Variants in PTGER3 observed in about 807,000 individuals in gnomAD.
The protein encoded by PTGER3 is prostaglandin E receptor 3, also known as prostaglandin E2 receptor EP3 subtype.
In PTGER3, 22 loss-of-function variants were observed where a neutral mutation model predicts 34.7. The ratio of observed to expected loss-of-function variants is 0.63; its 90% CI spans 0.45 to 0.91. The LOEUF (loss-of-function observed/expected upper bound fraction) is 0.91. Among genes scored for constraint, PTGER3 ranks in the 40% least tolerant of loss-of-function variants. The pLI is 0.00. For synonymous variants in PTGER3, 241 were observed against 230.1 expected, an observed-to-expected ratio of 1.05 and a Z score of -0.43; for missense variants, 468 against 519.4, an observed-to-expected ratio of 0.90 and a Z score of 0.96.
At chr1:70,926,915 C>T (rs1203004095) in intron 4 of PTGER3, among the ~76,000 whole-genome samples, 1 of 151,974 alleles carries the variant, frequency 6.6e-6, no homozygotes, top group Non-Finnish European at 1.5e-5. Context: ...TGTCAAAGGC[C>T]TTTTCTGCAT....
chr1:71,014,680 G>A (rs1657737545), intron 1 of PTGER3, among the ~76,000 whole-genome samples: 1 of 152,172 alleles, frequency 6.6e-6, no homozygotes, highest in Non-Finnish European at 1.5e-5. Flanking sequence ...CAGTCTACAA[G>A]CCAGGAAAAG....
chr1:71,016,628 C>T lies in PTGER3; in HGVS notation c.898-4144G>A, dbSNP rs140057935. Among the ~76,000 whole-genome samples the T allele has an allele frequency of 7.0e-4, 107 of 152,046 alleles. 2 individuals are homozygous for T. Among genetic ancestry groups the T allele is most frequent in the African/African-American group, 2.6e-3 (107 of 41,478 alleles). ...GACCAGCCTGGGCAACATGGTGAAA[C>T]CCTGTCTCTATTAAAAACACAAAAA... is the stretch of plus-strand genomic sequence containing the variant. On this transcript the variant is annotated intron_variant, in intron 1 of 3. Transcript: ENST00000306666.
chr1:70,945,101 G>A lies in PTGER3; in HGVS notation c.*23+8662C>T, dbSNP rs192271554. Among the ~76,000 whole-genome samples, 736 of 152,228 alleles carry A rather than the reference G, an allele frequency of 4.8e-3. 5 individuals carry two copies. Among genetic ancestry groups the A allele is most frequent in the Admixed American group, 8.3e-3 (126 of 15,252 alleles). On this transcript the variant is annotated intron_variant, in intron 4 of 4. Transcript: ENST00000370931. ...GGCTGAGGAACTATTCGAACCCACA[G>A]GGGCTTGATTGACTTCAAAATCTTT...
chr1:70,959,602 C>T (rs1239581969), intron 2 of PTGER3, among the ~76,000 whole-genome samples: 1 of 152,124 alleles, frequency 6.6e-6, no homozygotes, highest in Non-Finnish European at 1.5e-5. Flanking sequence ...CTCGAATGAT[C>T]CGTCTGCCAC....
intron 2 of PTGER3, among the ~76,000 whole-genome samples, chr1:70,979,840 A>G (rs1654085881): frequency 6.6e-6 from 1 of 152,176 alleles, no homozygotes; most frequent in Admixed American, 6.6e-5. Flanking sequence ...TAAAGAGATT[A>G]TACAGTTACT....
rs1386365915 is a variant in PTGER3 at position 70,973,130 on chromosome 1, GT to G, written c.1169+1166del. Among the ~76,000 whole-genome samples the G allele has an allele frequency of 3.4e-3, 512 of 150,028 alleles. 3 individuals carry two copies. The highest frequency in any genetic ancestry group is 0.012 in the African/African-American group (474 of 39,994). ...CAGTACCCAGTGTGCACGTGTGTGT[GT>G]GTGTGTGTGTGTGTGTGTGTGTGTT... On this transcript the variant is annotated intron_variant, in intron 3 of 3. Coordinates refer to ENST00000306666, the MANE Select transcript of PTGER3 (RefSeq NM_198719.2).
chr1:70,972,307 G>GC (rs1204138442), intron 3 of PTGER3, among the ~76,000 whole-genome samples: 1 of 152,142 alleles, frequency 6.6e-6, no homozygotes, highest in African/African-American at 2.4e-5. Flanking sequence ...TGTTGACAGA[G>GC]CGAGACTCCA....
At chr1:70,997,908 A>G (rs1236967055) in intron 2 of PTGER3, among the ~76,000 whole-genome samples, 10 of 152,252 alleles carry the variant, frequency 6.6e-5, no homozygotes, top group Admixed American at 5.9e-4. Flanking sequence ...AGATATTTGT[A>G]TTCCATCCAT....
intron 4 of PTGER3, among the ~76,000 whole-genome samples, chr1:70,934,859 G>A (rs1202808450): frequency 6.6e-6 from 1 of 152,126 alleles, no homozygotes; most frequent in Non-Finnish European, 1.5e-5. Context: ...ACAAAAAACA[G>A]TTGGCCAAGT....
At chr1:70,862,160 T>C (rs1321709445) in intron 4 of PTGER3, 1 of 374,882 alleles carries the variant, frequency 2.7e-6, no homozygotes, top group South Asian at 3.3e-5. Context: ...TATTGGAATT[T>C]CAGGGAACCA....
At chr1:70,936,601 G>A (rs912604035) in intron 4 of PTGER3, among the ~76,000 whole-genome samples, 2 of 152,120 alleles carry the variant, frequency 1.3e-5, no homozygotes, top group Non-Finnish European at 2.9e-5. Context: ...CCTACAAAAT[G>A]GAAGAGGCTT....
At chr1:70,910,709 C>A (rs2100388712) in intron 4 of PTGER3, among the ~76,000 whole-genome samples, 1 of 152,050 alleles carries the variant, frequency 6.6e-6, no homozygotes, top group East Asian at 1.9e-4. Context: ...TGCAAAGAGG[C>A]AACATTTACA....
downstream of PTGER3, chr1:70,947,606 A>G (rs1384158882): frequency 1.3e-5 from 2 of 152,070 alleles, no homozygotes; most frequent in Non-Finnish European, 2.9e-5. Context: ...AGTAAAGGAG[A>G]ACTCCATATG....
At chr1:71,005,756 G>T in intron 2 of PTGER3, 1 of 644,568 alleles carries the variant, frequency 1.6e-6, no homozygotes, top group Non-Finnish European at 1.9e-6. Flanking sequence ...TTGGCCCCAT[G>T]CCCTCTGAGG....
intron 1 of PTGER3, among the ~76,000 whole-genome samples, chr1:71,023,140 C>T (rs1658575472): frequency 6.6e-6 from 1 of 151,780 alleles, no homozygotes. Flanking sequence ...AAACTTATTC[C>T]AAAACCTGCT....
intron 4 of PTGER3, among the ~76,000 whole-genome samples, chr1:70,926,684 A>C (rs543957481): frequency 0.012 from 1,787 of 151,792 alleles, 26 homozygotes; most frequent in African/African-American, 0.038. Context: ...CCTTCTCCTG[A>C]CTAATTGTCC....
chr1:70,892,251 G>C (rs906772760), intron 4 of PTGER3, among the ~76,000 whole-genome samples: 8 of 152,146 alleles, frequency 5.3e-5, no homozygotes, highest in African/African-American at 1.4e-4. Context: ...CTCTGAGCTT[G>C]AGTTTCCGCA....
chr1:70,977,313 A>G (rs1653801257), intron 2 of PTGER3, among the ~76,000 whole-genome samples: 1 of 152,086 alleles, frequency 6.6e-6, no homozygotes, highest in South Asian at 2.1e-4. Flanking sequence ...GGTTTAGCTG[A>G]GGATGCCTGA....
intron 4 of PTGER3, among the ~76,000 whole-genome samples, chr1:70,871,949 A>T (rs1403151740): frequency 6.6e-6 from 1 of 152,194 alleles, no homozygotes; most frequent in Non-Finnish European, 1.5e-5. Context: ...TCAGATTAAG[A>T]TACTTTCATC....
Sources: allele counts gnomAD v4.1 joint callset (sites outside exome capture counted in the v4.1 genomes callset), GRCh38; gene constraint gnomAD v4.1.1; transcripts MANE v1.5; gene names NCBI Gene and HGNC (gene_info 2026-07-23, HGNC 2026-07-21).